BIVM: variants seen among roughly 807,000 people sequenced by gnomAD.
BIVM encodes basic, immunoglobulin-like variable motif containing.
A neutral mutation model predicts 61.4 loss-of-function variants in BIVM; 31 were observed. That is an observed-to-expected ratio of 0.51 (90% CI 0.38 to 0.68). The LOEUF (loss-of-function observed/expected upper bound fraction) is 0.68. Among genes scored for constraint, BIVM ranks in the 30% least tolerant of loss-of-function variants. The pLI is 0.00. For missense variants in BIVM, 526 were observed against 596.0 expected (o/e 0.88, Z 1.22); for synonymous variants, 189 against 210.7 (o/e 0.90, Z 0.89).
At position 102,808,615 on chromosome 13, in the gene BIVM, T is replaced by A. The variant is rs183333904; in HGVS notation, c.478+870T>A. ...TTTGTCTAAATTTGTAGGTAATGAG[T>A]CTGCAATTTTCTTTTTGTCTAATGC... On this transcript the variant is annotated intron_variant, in intron 3 of 10. Coordinates refer to ENST00000257336, the MANE Select transcript of BIVM (RefSeq NM_017693.4). 3.6e-3 allele frequency among the ~76,000 whole-genome samples: 544 copies of A among 152,232 alleles called. 3 individuals carry two copies. The highest frequency in any genetic ancestry group is 0.012 in the African/African-American group (518 of 41,532).
intron 7 of BIVM, among the ~76,000 whole-genome samples, chr13:102,826,526 C>T (rs546935254): frequency 1.3e-4 from 20 of 152,270 alleles, no homozygotes; most frequent in African/African-American, 3.4e-4. Flanking sequence ...CTTTATATCT[C>T]TTTTAATGGG....
chr13:102,823,568 A>C (rs1266879915), intron 7 of BIVM, among the ~76,000 whole-genome samples: 1 of 152,184 alleles, frequency 6.6e-6, no homozygotes, highest in Non-Finnish European at 1.5e-5. Flanking sequence ...TCCTTCTGGA[A>C]AACACAGCTT....
rs1265292797 is a variant in BIVM at position 102,807,289 on chromosome 13, G to A, written c.22G>A (p.Glu8Lys). 1.6e-5 allele frequency: 26 copies of A among 1,607,922 alleles called. No individual in the cohort carries two copies. Among genetic ancestry groups the A allele is most frequent in the Non-Finnish European group, 2.2e-5 (26 of 1,175,152 alleles). MPNVAET[E>K]RSNDSGNGEH... Reference sequence around the variant, plus strand: ...TTCAATGCCTAACGTTGCAGAAACAGAAAGGTCAAATGATTCTGGAAATGG... The same window carrying A: ...TTCAATGCCTAACGTTGCAGAAACAAAAAGGTCAAATGATTCTGGAAATGG... Residue 8 changes from glutamate to lysine, a missense_variant, in exon 3 of 11, where the codon GAA becomes AAA. By Grantham distance (56) the Glu-to-Lys change is moderately conservative. This residue lies in a region of BIVM where 312 missense variants were observed against 343.8 expected (regional missense o/e 0.91). Coordinates refer to ENST00000257336, the MANE Select transcript of BIVM (RefSeq NM_017693.4). The surrounding 1 kb of genome is among the most constrained non-coding windows in gnomAD (Gnocchi z 4.0).
chr13:102,838,752 C>T lies in BIVM; in HGVS notation c.1218+13C>T. On this transcript the variant is annotated intron_variant, in intron 10 of 10. Transcript: ENST00000257336. Reference sequence around the variant, plus strand: ...AAAAACAAAGAAGGTAAGAAGAACACCATTGTGTTTGAAGGCATTTCCCAG... The same window carrying T: ...AAAAACAAAGAAGGTAAGAAGAACATCATTGTGTTTGAAGGCATTTCCCAG... 6.2e-7 allele frequency: 1 copy of T among 1,605,682 alleles called. No individual in the cohort carries two copies. The highest frequency in any genetic ancestry group is 1.1e-5 in the South Asian group (1 of 89,208).
chr13:102,840,020 A>G lies in BIVM; in HGVS notation c.*155A>G. Reference sequence around the variant, plus strand: ...GTAGTTCTCCAGATACTAAGCTTGTATATGATTATGGTGGGTGATTTCAGA... The same window carrying G: ...GTAGTTCTCCAGATACTAAGCTTGTGTATGATTATGGTGGGTGATTTCAGA... On this transcript the variant is annotated 3_prime_UTR_variant, in exon 11 of 11. Coordinates refer to ENST00000257336, the MANE Select transcript of BIVM (RefSeq NM_017693.4). 1.3e-6 allele frequency: 1 copy of G among 745,768 alleles called. No homozygotes were observed. The highest frequency in any genetic ancestry group is 2.1e-6 in the Non-Finnish European group (1 of 473,818). The allele number at this position is 745,768 out of a possible 1,614,324, so 46.2% of individuals were successfully genotyped here.
chr13:102,827,689 G>C (rs556538919), intron 7 of BIVM, among the ~76,000 whole-genome samples: 1 of 152,122 alleles, frequency 6.6e-6, no homozygotes, highest in East Asian at 1.9e-4. Flanking sequence ...TTTGCTATGT[G>C]CTATGTTTTA....
chr13:102,821,891 C>T (rs987274649), intron 6 of BIVM, 44 bp downstream of exon 6: 2 of 1,592,898 alleles, frequency 1.3e-6, no homozygotes, highest in Admixed American at 1.7e-5. Context: ...TCTAGTTTTG[C>T]AAAATAATAA....
chr13:102,804,372 A>G (rs186744856), intron 1 of BIVM, among the ~76,000 whole-genome samples: 4 of 152,132 alleles, frequency 2.6e-5, no homozygotes, highest in Admixed American at 2.6e-4. Flanking sequence ...GTGCAATGGC[A>G]GGATCTCAGC....
At chr13:102,833,683 G>A (rs1881275654) in intron 8 of BIVM, among the ~76,000 whole-genome samples, 1 of 152,138 alleles carries the variant, frequency 6.6e-6, no homozygotes, top group African/African-American at 2.4e-5. Context: ...AAGGCCCCTC[G>A]GGTTTGGGGA....
intron 8 of BIVM, among the ~76,000 whole-genome samples, chr13:102,832,292 G>C (rs1301294140): frequency 6.6e-6 from 1 of 152,182 alleles, no homozygotes; most frequent in Non-Finnish European, 1.5e-5. Flanking sequence ...CTGGCCTCAA[G>C]CAATCCTTCT....
At chr13:102,832,853 G>C (rs961975154) in intron 8 of BIVM, among the ~76,000 whole-genome samples, 15 of 152,152 alleles carry the variant, frequency 9.9e-5, no homozygotes, top group African/African-American at 3.6e-4. Flanking sequence ...TGGAAGAGAT[G>C]ATCCCTAAGA....
chr13:102,839,655 C>G lies in BIVM; in HGVS notation c.1302C>G (p.Thr434=), dbSNP rs1312268950. The change falls in exon 11 of 11, where the codon ACC becomes ACG. Residue 434 remains threonine (T), a synonymous_variant. Coordinates refer to ENST00000257336, the MANE Select transcript of BIVM (RefSeq NM_017693.4). ...RFGLWNFPFG[T]IRQESQPPTH... is the part of the protein sequence containing the mutation. ...GCCTTTGGAACTTTCCATTTGGAAC[C>G]ATTAGACAAGAATCACAACCTCCAA... 2 of 1,614,030 alleles carry G rather than the reference C, an allele frequency of 1.2e-6. No individual in the cohort carries two copies. The highest frequency in any genetic ancestry group is 2.2e-5 in the South Asian group (2 of 91,090).
Position 102,834,466 on chromosome 13 carries a change from C to T in BIVM, c.1035C>T (p.Ser345=), listed in dbSNP as rs1881330977. 4 of 1,593,568 alleles carry T rather than the reference C, an allele frequency of 2.5e-6. No homozygotes were observed. The highest frequency in any genetic ancestry group is 2.3e-5 in the East Asian group (1 of 43,940). ...ATPVKANKAF[S]RGPLSPQEVE... is the part of the protein sequence containing the mutation. Reference sequence around the variant, plus strand: ...TACTGTGAATGTATTTTATATTTAGCAGGGGACCTCTCTCACCACAGGAAG... The same window carrying T: ...TACTGTGAATGTATTTTATATTTAGTAGGGGACCTCTCTCACCACAGGAAG... The change falls in exon 9 of 11, where the codon AGC becomes AGT. Residue 345 remains serine (S), a splice_region_variant and synonymous_variant. Transcript: ENST00000257336.
intron 7 of BIVM, among the ~76,000 whole-genome samples, chr13:102,822,391 G>C (rs1880352305): frequency 6.6e-6 from 1 of 152,120 alleles, no homozygotes; most frequent in South Asian, 2.1e-4. Context: ...GAACTTTAAG[G>C]TATATCACAA....
At chr13:102,822,668 G>A (rs117357106) in intron 7 of BIVM, among the ~76,000 whole-genome samples, 3,779 of 152,290 alleles carry the variant, frequency 0.025, 81 homozygotes, top group Non-Finnish European at 0.036. Context: ...AATATTAATG[G>A]AGTTGATCTC....
At chr13:102,813,147 G>A (rs1879618101) in intron 3 of BIVM, among the ~76,000 whole-genome samples, 2 of 152,192 alleles carry the variant, frequency 1.3e-5, no homozygotes, top group Admixed American at 6.5e-5. Context: ...CAGTTGTCTA[G>A]GTGGGGAGAC....
intron 3 of BIVM, among the ~76,000 whole-genome samples, chr13:102,808,747 A>G (rs1595334341): frequency 6.6e-6 from 1 of 152,044 alleles, no homozygotes; most frequent in Admixed American, 6.5e-5. Context: ...TAAAATCTGT[A>G]TTTATAATTA....
chr13:102,828,875 A>G (rs1174190771), intron 7 of BIVM, among the ~76,000 whole-genome samples: 1 of 152,140 alleles, frequency 6.6e-6, no homozygotes, highest in Non-Finnish European at 1.5e-5. Context: ...CTAAGAATAC[A>G]AAAAATTACC....
chr13:102,799,748 G>A (rs367554035), intron 1 of BIVM, among the ~76,000 whole-genome samples: 3 of 152,358 alleles, frequency 2.0e-5, no homozygotes, highest in East Asian at 1.9e-4. Flanking sequence ...GCATGGGTGC[G>A]CGCTCTCCCG....
Sources: allele counts gnomAD v4.1 joint callset (sites outside exome capture counted in the v4.1 genomes callset), GRCh38; gene constraint gnomAD v4.1.1; regional missense constraint gnomAD v4.1.1; non-coding constraint Gnocchi (gnomAD v3.1); transcripts MANE v1.5; gene names NCBI Gene and HGNC (gene_info 2026-07-23, HGNC 2026-07-21).